The following UBE2H variants were observed in gnomAD, a reference collection of about 807,000 sequenced individuals.
The protein encoded by UBE2H is ubiquitin-conjugating enzyme E2 H.
Under a neutral mutation model 29.0 loss-of-function variants are expected in UBE2H, and 3 were observed. The ratio of observed to expected loss-of-function variants is 0.10; its 90% CI spans 0.05 to 0.27. The LOEUF (loss-of-function observed/expected upper bound fraction) is 0.27, where lower values mean the gene tolerates loss of function less well. Ranked by LOEUF, UBE2H falls within the 10% of genes least tolerant of loss-of-function variation. The pLI, the probability that UBE2H is intolerant of heterozygous loss-of-function variation, is 1.00. For synonymous variants in UBE2H, 69 were observed against 82.9 expected (o/e 0.83, Z 0.91); for missense variants, 68 against 228.2 (o/e 0.30, Z 4.52).
intron 1 of UBE2H, among the ~76,000 whole-genome samples, chr7:129,901,446 G>A (rs780273087): frequency 3.3e-5 from 5 of 152,196 alleles, no homozygotes; most frequent in Non-Finnish European, 5.9e-5. Flanking sequence ...TGGGATAGAG[G>A]TCGGTGGGGG....
chr7:129,909,960 T>C (rs75094798), intron 1 of UBE2H, among the ~76,000 whole-genome samples: 10 of 150,830 alleles, frequency 6.6e-5, no homozygotes, highest in Admixed American at 2.0e-4. Flanking sequence ...ACGAAAAGGG[T>C]TGAAAACAAA....
intron 1 of UBE2H, among the ~76,000 whole-genome samples, chr7:129,917,871 A>G (rs1213445747): frequency 6.6e-6 from 1 of 152,206 alleles, no homozygotes; most frequent in Non-Finnish European, 1.5e-5. Flanking sequence ...CTGCATCTCA[A>G]TGAACATACC....
At position 129,858,823 on chromosome 7, in the gene UBE2H, G is replaced by A. The variant is rs58506085; in HGVS notation, c.245+79C>T. 6.4e-4 allele frequency: 878 copies of A among 1,380,168 alleles called. 4 individuals carry two copies. The East Asian group carries it at 0.017, about 26-fold the overall frequency. 85.5% of individuals were successfully genotyped at this position (1,380,168 alleles called of 1,614,324 possible). A position where few individuals can be genotyped will look rare whatever the true frequency, so the allele number is the denominator to read the frequency against. On this transcript the variant is annotated intron_variant, in intron 4 of 6. Transcript: ENST00000355621. Reference sequence around the variant, plus strand: ...CCTGATAAGGTCCAAAAAGATAACCGAGGCTTTTTATAACACAGAGAAACA... The same window carrying A: ...CCTGATAAGGTCCAAAAAGATAACCAAGGCTTTTTATAACACAGAGAAACA...
intron 1 of UBE2H, among the ~76,000 whole-genome samples, chr7:129,948,710 G>C (rs576091695): frequency 6.6e-6 from 1 of 152,270 alleles, no homozygotes; most frequent in African/African-American, 2.4e-5. Context: ...CTGAAAAGAA[G>C]AATCATTGAA....
chr7:129,924,909 G>C (rs957330285), intron 1 of UBE2H, among the ~76,000 whole-genome samples: 3 of 151,536 alleles, frequency 2.0e-5, no homozygotes. Context: ...CCCAAATCAG[G>C]TCCTCTGAGT....
chr7:129,952,351 T>A, intron 1 of UBE2H, 152 bp downstream of exon 1: 1 of 856,510 alleles, frequency 1.2e-6, no homozygotes, highest in Non-Finnish European at 1.7e-6. Flanking sequence ...CCCTGGGAGG[T>A]GCCAAGGAGC....
chr7:129,839,331 A>G lies in UBE2H; in HGVS notation c.303T>C (p.Leu101=). The G allele has an allele frequency of 3.1e-6, 5 of 1,612,914 alleles. No individual in the cohort carries two copies. The highest frequency in any genetic ancestry group is 3.4e-6 in the Non-Finnish European group (4 of 1,179,600). ...INQTWTALYD[L]TNIFESFLPQ... is the part of the protein sequence containing the mutation. ...GCAGGAAGGACTCAAATATATTGGT[A>G]AGATCTGAAAAACCAAACAAACATG... Residue 101 remains leucine, a synonymous_variant, in exon 6 of 7, where the codon CTT becomes CTC. Coordinates refer to ENST00000355621, the MANE Select transcript of UBE2H (RefSeq NM_003344.4).
chr7:129,867,718 G>GAAAAAAAAAAAAAAAAAAAAAAAAAAA (rs1308277089), intron 3 of UBE2H, among the ~76,000 whole-genome samples: 1 of 19,646 alleles, frequency 5.1e-5, no homozygotes, highest in Non-Finnish European at 9.5e-5. Flanking sequence ...AAAAAAAAAA[G>GAAAAAAAAAAAAAAAAAAAAAAAAAAA]AAAACCAAAA....
intron 4 of UBE2H, among the ~76,000 whole-genome samples, chr7:129,858,126 G>GT (rs1483103022): frequency 6.6e-6 from 1 of 152,192 alleles, no homozygotes; most frequent in Non-Finnish European, 1.5e-5. Flanking sequence ...GTGCTAAAAA[G>GT]TAAGTTACTG....
chr7:129,869,254 C>T (rs1217961890), intron 3 of UBE2H, among the ~76,000 whole-genome samples: 2 of 151,948 alleles, frequency 1.3e-5, no homozygotes, highest in Non-Finnish European at 2.9e-5. Context: ...TTAAGCTTCT[C>T]CTCAGTGACC....
intron 1 of UBE2H, among the ~76,000 whole-genome samples, chr7:129,889,282 A>T (rs1270636847): frequency 6.6e-6 from 1 of 152,218 alleles, no homozygotes; most frequent in East Asian, 1.9e-4. Flanking sequence ...TAGGAAAGAA[A>T]TATTCAAGAC....
chr7:129,857,456 A>T (rs1805727071), intron 5 of UBE2H, 55 bp downstream of exon 5: 1 of 1,563,748 alleles, frequency 6.4e-7, no homozygotes, highest in Non-Finnish European at 8.7e-7. Flanking sequence ...GCCAAACAAC[A>T]TTTTTTTAGG....
At chr7:129,947,262 G>A (rs139168224) in intron 1 of UBE2H, among the ~76,000 whole-genome samples, 17 of 152,296 alleles carry the variant, frequency 1.1e-4, no homozygotes, top group African/African-American at 9.6e-5. Flanking sequence ...TGTTATATTT[G>A]TCACCAAAAT....
chr7:129,930,576 C>CAGG (rs1264944462), intron 1 of UBE2H, among the ~76,000 whole-genome samples: 2 of 151,954 alleles, frequency 1.3e-5, no homozygotes, highest in Non-Finnish European at 2.9e-5. Flanking sequence ...CAAGACCAGC[C>CAGG]TGGCCAACAT....
chr7:129,919,100 TAAAAAAAA>T (rs1204331286), intron 1 of UBE2H, among the ~76,000 whole-genome samples: 3 of 72,150 alleles, frequency 4.2e-5, no homozygotes, highest in East Asian at 5.1e-4. Flanking sequence ...AAAAACAAAG[TAAAAAAAA>T]AAAAAAAAAA....
chr7:129,849,150 T>C (rs775287413), intron 5 of UBE2H, among the ~76,000 whole-genome samples: 1 of 98,368 alleles, frequency 1.0e-5, no homozygotes, highest in Non-Finnish European at 2.4e-5. Flanking sequence ...GTTGTTATTT[T>C]TGAAAAAAAC....
At chr7:129,920,236 C>T (rs902549762) in intron 1 of UBE2H, among the ~76,000 whole-genome samples, 2 of 151,182 alleles carry the variant, frequency 1.3e-5, no homozygotes, top group African/African-American at 4.9e-5. Context: ...TATATATGAA[C>T]ATTATGCAAA....
chr7:129,862,017 A>C (rs1318762655), intron 3 of UBE2H, among the ~76,000 whole-genome samples: 1 of 152,206 alleles, frequency 6.6e-6, no homozygotes, highest in Non-Finnish European at 1.5e-5. Flanking sequence ...GTATCTTAAC[A>C]CTCTTGTTCA....
At chr7:129,888,592 G>A (rs1384297894) in intron 1 of UBE2H, among the ~76,000 whole-genome samples, 13 of 151,972 alleles carry the variant, frequency 8.6e-5, no homozygotes, top group African/African-American at 2.7e-4. Context: ...CTCCTGCCTC[G>A]GCCTCCCGAG....
Sources: gnomAD v4.1 joint callset for allele counts (sites outside exome capture counted in the v4.1 genomes callset) on GRCh38, gnomAD v4.1.1 for gene constraint, MANE v1.5 for transcripts, NCBI Gene and HGNC (gene_info 2026-07-23, HGNC 2026-07-21) for gene names.